NBPF8: variants seen among roughly 807,000 people sequenced by gnomAD.
NBPF8 encodes NBPF family member NBPF8.
At chr1:120,457,736 A>ATATATAT (rs1480856527) in intron 16 of NBPF8, among the ~76,000 whole-genome samples, 1 of 53,754 alleles carries the variant, frequency 1.9e-5, no homozygotes, top group Non-Finnish European at 3.2e-5. Flanking sequence ...TTAAAAAAAA[A>ATATATAT]ATATATATAT....
At chr1:120,454,390 G>T (rs1553249435) in intron 15 of NBPF8, among the ~76,000 whole-genome samples, 1 of 151,790 alleles carries the variant, frequency 6.6e-6, no homozygotes, top group Admixed American at 6.6e-5. Flanking sequence ...TCCTAGCTTC[G>T]ATTCAGTATC....
chr1:120,456,284 C>A lies in NBPF8; in HGVS notation n.2620+824C>A, dbSNP rs1320373604. Among the ~76,000 whole-genome samples, 3 of 150,906 alleles carry A rather than the reference C, an allele frequency of 2.0e-5. No homozygotes were observed. The East Asian group carries it at 5.8e-4, about 29-fold the overall frequency. ...GTTCTGTAGATGTCTTTTAGGTCTG[C>A]TTGGTGGAGAGCTGAGTTCAAGTCC... On this transcript the variant is annotated intron_variant and non_coding_transcript_variant, in intron 16 of 24. Coordinates refer to ENST00000583271, the Ensembl canonical transcript of NBPF8.
rs1197479508 is a variant in NBPF8, at chr1:120,445,774, G to C, written n.1262-55G>C. The C allele has an allele frequency of 1.7e-3, 519 of 296,788 alleles. 1 individual carries two copies. Among genetic ancestry groups the C allele is most frequent in the Middle Eastern group, 5.0e-3 (6 of 1,202 alleles). 18.4% of individuals were successfully genotyped at this position (296,788 alleles called of 1,614,324 possible). A position where few individuals can be genotyped will look rare whatever the true frequency, so the allele number is the denominator to read the frequency against. The stretch of plus-strand genomic sequence containing the variant: ...CTCAGAAATCTCTGTTGCAATATTT[G>C]AACGGATCACTCAACCCTTTCTACT... On this transcript the variant is annotated intron_variant and non_coding_transcript_variant, in intron 7 of 24. Transcript: ENST00000583271.
At chr1:120,449,741 A>T (rs587751554) in intron 11 of NBPF8, among the ~76,000 whole-genome samples, 28 of 152,282 alleles carry the variant, frequency 1.8e-4, no homozygotes, top group Non-Finnish European at 2.1e-4. Context: ...AATAACATCT[A>T]GTCTGTTGTT....
intron 1 of NBPF8, among the ~76,000 whole-genome samples, 155 bp downstream of exon 2, chr1:120,420,273 A>C (rs1209747407): frequency 6.6e-6 from 1 of 151,978 alleles, no homozygotes; most frequent in Non-Finnish European, 1.5e-5. Context: ...AAGTGAATGA[A>C]CAAATATTCA....
exon 25 of NBPF8, chr1:120,466,158 C>A: frequency 6.2e-7 from 1 of 1,606,052 alleles, no homozygotes. Context: ...ACAATAGGTT[C>A]TTTACTTTGA....
At chr1:120,430,752 CAAAAA>C (rs1160946903) in intron 3 of NBPF8, among the ~76,000 whole-genome samples, 1 of 41,274 alleles carries the variant, frequency 2.4e-5, no homozygotes, top group Admixed American at 2.7e-4. Flanking sequence ...GACTCTGTCT[CAAAAA>C]AAAAAAAAAA....
At chr1:120,431,399 T>TAC (rs1660874438), upstream of NBPF8, among the ~76,000 whole-genome samples, 1 of 59,034 alleles carries the variant, frequency 1.7e-5, no homozygotes, top group South Asian at 4.1e-4. Context: ...TATATATATA[T>TAC]ATACAGACAC....
At chr1:120,419,659 AC>A (rs1660522069), upstream of NBPF8, among the ~76,000 whole-genome samples, 1 of 146,500 alleles carries the variant, frequency 6.8e-6, no homozygotes, top group Admixed American at 6.9e-5. Flanking sequence ...ATGGGGTCTT[AC>A]TATGTTGCCG....
chr1:120,429,902 TATC>T (rs1483071915), intron 3 of NBPF8, among the ~76,000 whole-genome samples: 1 of 150,864 alleles, frequency 6.6e-6, no homozygotes, highest in Non-Finnish European at 1.5e-5. Context: ...TTTTATATAT[TATC>T]AGGGCAAAAG....
chr1:120,461,937 AGAATAGG>A (rs1287673227), intron 19 of NBPF8, among the ~76,000 whole-genome samples: 3 of 101,212 alleles, frequency 3.0e-5, no homozygotes, highest in Non-Finnish European at 5.8e-5. Context: ...ACGATCTACC[AGAATAGG>A]GAATTTTACC....
intron 14 of NBPF8, 87 bp downstream of exon 12, chr1:120,453,531 G>T: frequency 8.6e-7 from 1 of 1,166,096 alleles, no homozygotes; most frequent in South Asian, 1.2e-5. Flanking sequence ...TCTATGATGG[G>T]TCAAAAACCC....
intron 18 of NBPF8, among the ~76,000 whole-genome samples, chr1:120,460,840 A>G (rs1429438088): frequency 1.4e-4 from 22 of 151,964 alleles, no homozygotes; most frequent in South Asian, 8.3e-4. Flanking sequence ...AGTTGACCAT[A>G]CCTCAAAAGC....
intron 3 of NBPF8, among the ~76,000 whole-genome samples, chr1:120,428,582 G>A (rs1660786130): frequency 6.6e-6 from 1 of 152,142 alleles, no homozygotes; most frequent in Non-Finnish European, 1.5e-5. Flanking sequence ...AGGTGAAGAA[G>A]CATCTTGCAG....
chr1:120,464,176 T>TGC (rs1661674289), intron 22 of NBPF8, among the ~76,000 whole-genome samples, 200 bp from the exon 21 acceptor site: 1 of 115,334 alleles, frequency 8.7e-6, no homozygotes, highest in African/African-American at 4.1e-5. Context: ...TGTGTGTGTG[T>TGC]GTCTGTCTGT....
downstream of NBPF8, among the ~76,000 whole-genome samples, chr1:120,468,586 AT>A (rs1399976511): frequency 8.6e-5 from 13 of 150,808 alleles, no homozygotes; most frequent in African/African-American, 3.2e-4. Context: ...TACTTCACTC[AT>A]TTGTTCTCTT....
chr1:120,415,682 G>A (rs1282183792), upstream of NBPF8, among the ~76,000 whole-genome samples: 1 of 152,182 alleles, frequency 6.6e-6, no homozygotes, highest in Non-Finnish European at 1.5e-5. Context: ...TGCAAAGTTG[G>A]GGTCTTTATT....
chr1:120,428,279 G>A (rs1364175894), intron 3 of NBPF8, among the ~76,000 whole-genome samples: 3 of 152,194 alleles, frequency 2.0e-5, no homozygotes, highest in South Asian at 4.1e-4. Context: ...CACCAGGAAT[G>A]TCTGGACACA....
At chr1:120,468,572 CAGTT>C (rs1661814281), downstream of NBPF8, among the ~76,000 whole-genome samples, 1 of 151,114 alleles carries the variant, frequency 6.6e-6, no homozygotes, top group Non-Finnish European at 1.5e-5. Flanking sequence ...TAATTTCTGC[CAGTT>C]ACTTCACTCA....
Sources: allele counts gnomAD v4.1 joint callset (sites outside exome capture counted in the v4.1 genomes callset), GRCh38; gene constraint gnomAD v4.1.1; transcripts MANE v1.5; gene names NCBI Gene and HGNC (gene_info 2026-07-23, HGNC 2026-07-21).